NOS1AP: variants seen among roughly 807,000 people sequenced by gnomAD.
NOS1AP encodes carboxyl-terminal PDZ ligand of neuronal nitric oxide synthase protein.
NOS1AP carries 21 observed loss-of-function variants against 56.2 expected under a neutral mutation model. The ratio of observed to expected loss-of-function variants is 0.37; its 90% CI spans 0.26 to 0.54. The LOEUF (loss-of-function observed/expected upper bound fraction) is 0.54. Among genes scored for constraint, NOS1AP ranks in the 20% least tolerant of loss-of-function variants. NOS1AP has a pLI of 0.84. For synonymous variants in NOS1AP, 270 were observed against 274.6 expected (o/e 0.98, Z 0.17); for missense variants, 522 against 657.8 (o/e 0.79, Z 2.26).
At chr1:162,237,229 A>G (rs1653325247) in intron 2 of NOS1AP, among the ~76,000 whole-genome samples, 1 of 152,240 alleles carries the variant, frequency 6.6e-6, no homozygotes, top group Non-Finnish European at 1.5e-5. Context: ...AATTCTCATT[A>G]GAGACAAAGG....
At chr1:162,319,796 GCTGAGGGCTCCCAGGGACACTGCA>G (rs141890158) in intron 4 of NOS1AP, among the ~76,000 whole-genome samples, 3,644 of 152,212 alleles carry the variant, frequency 0.024, 68 homozygotes, top group Non-Finnish European at 0.036. Context: ...GACTTGGGGT[GCTGAGGGCTCCCAGGGACACTGCA>G]CTGCCCTCAC....
intron 4 of NOS1AP, among the ~76,000 whole-genome samples, chr1:162,320,493 A>AG (rs775303087): frequency 6.6e-6 from 1 of 152,222 alleles, no homozygotes; most frequent in Non-Finnish European, 1.5e-5. Flanking sequence ...GAGAAGAGGA[A>AG]GGGTCCTTAC....
At chr1:162,085,970 C>T (rs1301674012) in intron 1 of NOS1AP, among the ~76,000 whole-genome samples, 1 of 152,096 alleles carries the variant, frequency 6.6e-6, no homozygotes, top group African/African-American at 2.4e-5. Context: ...AAGTGACTTG[C>T]CCAAGTTCAC....
Position 162,368,741 on chromosome 1 carries a change from A to G in NOS1AP, c.*1274A>G, listed in dbSNP as rs997772027. The G allele has an allele frequency of 6.6e-5, 10 of 152,274 alleles. No homozygotes were observed. The highest frequency in any genetic ancestry group is 1.5e-4 in the Non-Finnish European group (10 of 68,068). 9.4% of individuals were successfully genotyped at this position (152,274 alleles called of 1,614,324 possible). A position where few individuals can be genotyped will look rare whatever the true frequency, so the allele number is the denominator to read the frequency against. ...TCCTGTAAGGCCATAAGTGGCTGTT[A>G]ACAGATTTTCAAATGCCTGAAGAGA... On this transcript the variant is annotated 3_prime_UTR_variant, in exon 10 of 10. Transcript: ENST00000361897.
intron 2 of NOS1AP, among the ~76,000 whole-genome samples, chr1:162,206,649 A>G (rs1336371400): frequency 6.6e-6 from 1 of 152,248 alleles, no homozygotes. Context: ...TTAATATACA[A>G]GTAGGCATTC....
At chr1:162,123,289 A>T (rs1404165437) in intron 1 of NOS1AP, among the ~76,000 whole-genome samples, 1 of 152,224 alleles carries the variant, frequency 6.6e-6, no homozygotes, top group Non-Finnish European at 1.5e-5. Context: ...CTCCTACCTC[A>T]GCTGGCTGGG....
intron 2 of NOS1AP, among the ~76,000 whole-genome samples, chr1:162,246,319 G>A (rs942476633): frequency 2.0e-5 from 3 of 152,186 alleles, no homozygotes; most frequent in Non-Finnish European, 2.9e-5. Flanking sequence ...GAAAGACAAT[G>A]TGCAGGGACA....
At chr1:162,165,414 G>A (rs150815370) in intron 2 of NOS1AP, among the ~76,000 whole-genome samples, 1,677 of 152,290 alleles carry the variant, frequency 0.011, 19 homozygotes, top group South Asian at 0.022. Context: ...TGCTGTTACT[G>A]TGTCGGGCTC....
chr1:162,336,506 C>T (rs1011239464), intron 5 of NOS1AP, among the ~76,000 whole-genome samples: 5 of 152,304 alleles, frequency 3.3e-5, no homozygotes, highest in Middle Eastern at 6.8e-3. Flanking sequence ...TCCTTAACTC[C>T]GAATGGCCCA....
chr1:162,240,724 C>T (rs2101680533), intron 2 of NOS1AP, among the ~76,000 whole-genome samples: 1 of 152,366 alleles, frequency 6.6e-6, no homozygotes, highest in East Asian at 1.9e-4. Flanking sequence ...ATACAAGGCA[C>T]ATGGTCATTT....
chr1:162,315,966 G>A (rs1656214594), intron 4 of NOS1AP, among the ~76,000 whole-genome samples: 1 of 151,980 alleles, frequency 6.6e-6, no homozygotes, highest in Non-Finnish European at 1.5e-5. Context: ...TATCTTTGGG[G>A]CTCCTTAACC....
rs118143478 is a variant in NOS1AP, at chr1:162,257,370, C to G, written c.178-29974C>G. Among the ~76,000 whole-genome samples, 1,161 of 151,996 alleles carry G rather than the reference C, an allele frequency of 7.6e-3. 68 individuals are homozygous for G. In the East Asian group the frequency reaches 0.15, roughly 19 times the overall value. On this transcript the variant is annotated intron_variant, in intron 2 of 9. Transcript: ENST00000361897. ...AAGAGAAAGCAAGCCAGGCCCAGAC[C>G]AGGCACGGTGGCTCATGCCTGTAAT...
intron 4 of NOS1AP, among the ~76,000 whole-genome samples, chr1:162,330,555 A>G (rs909879132): frequency 2.0e-5 from 3 of 152,238 alleles, no homozygotes; most frequent in African/African-American, 7.2e-5. Flanking sequence ...AGGCCTGTGT[A>G]GGTCAGGACT....
chr1:162,365,929 T>C (rs1658071746), intron 9 of NOS1AP, among the ~76,000 whole-genome samples: 1 of 152,212 alleles, frequency 6.6e-6, no homozygotes, highest in East Asian at 1.9e-4. Context: ...ACTTGGCACC[T>C]ATTGGGTGTC....
intron 1 of NOS1AP, among the ~76,000 whole-genome samples, chr1:162,112,195 TC>T (rs377062056): frequency 3.3e-5 from 5 of 152,210 alleles, no homozygotes; most frequent in African/African-American, 1.2e-4. Context: ...TCAGCCTACC[TC>T]CCTCTCTGAT....
At chr1:162,245,005 CTCTTTT>C (rs1314662442) in intron 2 of NOS1AP, among the ~76,000 whole-genome samples, 1 of 152,064 alleles carries the variant, frequency 6.6e-6, no homozygotes, top group East Asian at 1.9e-4. Flanking sequence ...TAGCTGCCTC[CTCTTTT>C]ATTTAAATGC....
intron 4 of NOS1AP, chr1:162,317,421 A>C (rs981602445): frequency 4.6e-5 from 7 of 152,256 alleles, no homozygotes; most frequent in African/African-American, 1.4e-4. Flanking sequence ...GTATGTAAGA[A>C]GAATTTTCTT....
chr1:162,276,144 G>A (rs748405802), intron 2 of NOS1AP, among the ~76,000 whole-genome samples: 3 of 152,056 alleles, frequency 2.0e-5, no homozygotes, highest in Non-Finnish European at 4.4e-5. Flanking sequence ...ACTGACCCTC[G>A]GAGTCAAGGC....
intron 4 of NOS1AP, among the ~76,000 whole-genome samples, chr1:162,329,235 A>AGAAAT (rs1256380145): frequency 1.3e-5 from 2 of 152,220 alleles, no homozygotes; most frequent in African/African-American, 2.4e-5. Flanking sequence ...AATAAAAGTA[A>AGAAAT]GAAATTTTAG....
Sources: gnomAD v4.1 joint callset for allele counts (sites outside exome capture counted in the v4.1 genomes callset) on GRCh38, gnomAD v4.1.1 for gene constraint, MANE v1.5 for transcripts, NCBI Gene and HGNC (gene_info 2026-07-23, HGNC 2026-07-21) for gene names.